Variants in NF1 observed in about 807,000 individuals in gnomAD.
NF1 encodes the protein neurofibromin 1, also known as neurofibromin.
NF1 carries 122 observed loss-of-function variants against 325.7 expected under a neutral mutation model. That is an observed-to-expected ratio of 0.37 (90% CI 0.32 to 0.44). The LOEUF is 0.44. Among genes scored for constraint, NF1 ranks in the 20% least tolerant of loss-of-function variants. The pLI is 1.00. For synonymous variants in NF1, 1,091 were observed against 1,186.0 expected (o/e 0.92, Z 1.65); for missense variants, 2,140 against 3,415.4 (o/e 0.63, Z 9.31).
rs1256512888 is a variant in NF1, at chr17:31,356,950, C to G, written c.7739-10C>G. On this transcript the variant is annotated splice_polypyrimidine_tract_variant and intron_variant, in intron 52 of 57. Coordinates refer to ENST00000358273, the MANE Select transcript of NF1 (RefSeq NM_001042492.3). ...GTGTTTGATCACGTTAATTCCCTAT[C>G]TTGCTGCAGAAACTCAGAGGATTTC... 1 of 1,613,744 alleles carries G rather than the reference C, an allele frequency of 6.2e-7. No homozygotes were observed. Among genetic ancestry groups the G allele is most frequent in the South Asian group, 1.1e-5 (1 of 91,080 alleles).
In NF1 at chr17:31,201,413, C is replaced by A. The variant is rs775109720; in HGVS notation, c.1188C>A (p.Ile396=). 1 of 1,606,968 alleles carries A rather than the reference C, an allele frequency of 6.2e-7. No homozygotes were observed. The highest frequency in any genetic ancestry group is 1.1e-5 in the South Asian group (1 of 90,518). Reference sequence around the variant, plus strand: ...CTTTTTTTTTTCTTTTTCTATAGATCTGCCTGGCTCAGAATTCACCTTCTA... The same window carrying A: ...CTTTTTTTTTTCTTTTTCTATAGATATGCCTGGCTCAGAATTCACCTTCTA... The part of the protein sequence containing the change: ...ISPHNNQHFK[I]CLAQNSPSTF... Residue 396 remains isoleucine, a splice_region_variant and synonymous_variant, in exon 11 of 58, where the codon ATC becomes ATA. Transcript: ENST00000358273.
chr17:31,191,982 G>T (rs1396741383), intron 8 of NF1, among the ~76,000 whole-genome samples: 1 of 152,060 alleles, frequency 6.6e-6, no homozygotes. Context: ...TGAATTCGCG[G>T]AACTTTTTGT....
Position 31,117,290 on chromosome 17 carries a change from G to A in NF1, c.60+21921G>A, listed in dbSNP as rs115102532. On this transcript the variant is annotated intron_variant, in intron 1 of 57. Coordinates refer to ENST00000358273, the MANE Select transcript of NF1 (RefSeq NM_001042492.3). The stretch of plus-strand genomic sequence containing the variant: ...GCTACCGTGCCTGACCTCCAAAACC[G>A]TTTTTATTAATTATATTCTTTATTA... Among the ~76,000 whole-genome samples the A allele has an allele frequency of 9.5e-3, 1,447 of 151,982 alleles. 23 individuals are homozygous for A. Among genetic ancestry groups the A allele is most frequent in the African/African-American group, 0.033 (1,358 of 41,480 alleles).
chr17:31,181,754 A>C lies in NF1; in HGVS notation c.699A>C (p.Lys233Asn), dbSNP rs1597658628. 1 of 1,610,242 alleles carries C rather than the reference A, an allele frequency of 6.2e-7. No homozygotes were observed. Residue 233 changes from lysine (K) to asparagine (N), a missense_variant, in exon 7 of 58, where the codon AAA (lysine) becomes AAC (asparagine). By Grantham distance (94) the Lys-to-Asn change is moderately conservative. Around this residue, in one of 10 missense-constraint regions of NF1, gnomAD observed 246 missense variants for 347.8 expected, o/e 0.71. Coordinates refer to ENST00000358273, the MANE Select transcript of NF1 (RefSeq NM_001042492.3). Reference protein sequence around the residue: ...WVENYPDEFTKLYQIPQTDMA... With the variant: ...WVENYPDEFTNLYQIPQTDMA... ...AAAATTATCCAGATGAATTTACAAA[A>C]CTGTACCAGATCCCACAGACTGATA...
rs1233391010 is a variant in NF1 at position 31,095,220 on chromosome 17, C to T, written c.-90C>T. ...TCCACAGACCCTCTCCTTGCCTCTT[C>T]CCTCACCTCAGCCTCCGCTCCCCGC... On this transcript the variant is annotated 5_prime_UTR_variant, in exon 1 of 58. Coordinates refer to ENST00000358273, the MANE Select transcript of NF1 (RefSeq NM_001042492.3). 4 of 1,251,620 alleles carry T rather than the reference C, an allele frequency of 3.2e-6. No homozygotes were observed. In the African/African-American group the frequency reaches 4.4e-5, roughly 14 times the overall value. The allele number at this position is 1,251,620 out of a possible 1,614,324, so 77.5% of individuals were successfully genotyped here.
chr17:31,343,029 G>A lies in NF1; in HGVS notation c.7083G>A (p.Met2361Ile), dbSNP rs1293010884. 6.2e-7 allele frequency: 1 copy of A among 1,614,060 alleles called. No homozygotes were observed. The highest frequency in any genetic ancestry group is 8.5e-7 in the Non-Finnish European group (1 of 1,179,998). The stretch of plus-strand genomic sequence containing the variant: ...AATAGAGTCCAGAGGAAGTATTTAT[G>A]GCAATCCGGAATCCTCTGGAGTGGC... ...FNDKSPEEVFMAIRNPLEWHC... is the reference protein window; with the variant it reads ...FNDKSPEEVFIAIRNPLEWHC... Residue 2361 changes from methionine (M) to isoleucine (I), a missense_variant, in exon 48 of 58, where the codon ATG becomes ATA. Coordinates refer to ENST00000358273, the MANE Select transcript of NF1 (RefSeq NM_001042492.3).
chr17:31,248,897 T>C, intron 29 of NF1, 87 bp from the exon 30 acceptor site: 2 of 1,327,808 alleles, frequency 1.5e-6, no homozygotes, highest in Non-Finnish European at 2.1e-6. Flanking sequence ...CTTGGCTTAA[T>C]GTCTGTATAA....
chr17:31,099,541 A>G (rs1390778885), intron 1 of NF1, among the ~76,000 whole-genome samples: 2 of 150,688 alleles, frequency 1.3e-5, no homozygotes, highest in Non-Finnish European at 3.0e-5. Context: ...TGAAACTGAC[A>G]AATTGTAGGT....
Position 31,095,309 on chromosome 17 carries a change from C to G in NF1, c.-1C>G. On this transcript the variant is annotated 5_prime_UTR_variant, in exon 1 of 58. Transcript: ENST00000358273. ...CGCCGCCCCCCGGCCGCGGGGAGGA[C>G]ATGGCCGCGCACAGGCCGGTGGAAT... 2.6e-6 allele frequency: 4 copies of G among 1,537,442 alleles called. No individual in the cohort carries two copies. Among genetic ancestry groups the G allele is most frequent in the Non-Finnish European group, 3.5e-6 (4 of 1,146,038 alleles).
rs79395307 is a variant in NF1, at chr17:31,141,917, C to T, written c.61-14066C>T. Among the ~76,000 whole-genome samples the T allele has an allele frequency of 4.0e-4, 61 of 152,262 alleles. 1 individual carries two copies. The East Asian group carries it at 0.011, about 26-fold the overall frequency. ...TCTAGAGCTGATGTATTGGGTACTT[C>T]CCCTCTAGCATGGTTATTTTCTTTG... On this transcript the variant is annotated intron_variant, in intron 1 of 57. Transcript: ENST00000358273.
chr17:31,236,499 G>A (rs1275089248), intron 29 of NF1, among the ~76,000 whole-genome samples: 1 of 152,242 alleles, frequency 6.6e-6, no homozygotes, highest in East Asian at 1.9e-4. Flanking sequence ...GGGTGCACTG[G>A]CGCAGTCTCG....
At chr17:31,313,722 ATGTGTGTGTGTGTGTGTG>A (rs60267436) in intron 36 of NF1, among the ~76,000 whole-genome samples, 6 of 139,054 alleles carry the variant, frequency 4.3e-5, no homozygotes, top group Middle Eastern at 7.1e-3. Flanking sequence ...AAAAAAAAAT[ATGTGTGTGTGTGTGTGTG>A]TGTGTGTGTG....
chr17:31,187,143 C>G (rs2066254893), intron 8 of NF1, among the ~76,000 whole-genome samples: 1 of 152,210 alleles, frequency 6.6e-6, no homozygotes, highest in Non-Finnish European at 1.5e-5. Flanking sequence ...GACCAAGGCA[C>G]TCACTTTACA....
intron 1 of NF1, among the ~76,000 whole-genome samples, chr17:31,115,671 T>C (rs1913836594): frequency 6.6e-6 from 1 of 152,198 alleles, no homozygotes; most frequent in Non-Finnish European, 1.5e-5. Flanking sequence ...ATTTCCAAGT[T>C]CCATAACCCA....
chr17:31,159,420 A>G (rs2065724108), intron 3 of NF1, among the ~76,000 whole-genome samples: 1 of 152,158 alleles, frequency 6.6e-6, no homozygotes, highest in African/African-American at 2.4e-5. Context: ...GTTGTGGGAG[A>G]GTGCGATTCA....
intron 1 of NF1, among the ~76,000 whole-genome samples, chr17:31,153,866 A>G (rs1362607112): frequency 1.3e-5 from 2 of 150,762 alleles, no homozygotes; most frequent in Non-Finnish European, 3.0e-5. Flanking sequence ...CTCCTGCCTC[A>G]GCCTCTCAAA....
intron 13 of NF1, among the ~76,000 whole-genome samples, chr17:31,218,062 C>G (rs1311086197): frequency 2.0e-5 from 3 of 151,936 alleles, no homozygotes; most frequent in Non-Finnish European, 4.4e-5. Context: ...GATGCAAATT[C>G]TAGCCTTTGC....
At chr17:31,181,345 G>T in intron 5 of NF1, 77 bp from the exon 6 acceptor site, 1 of 1,332,638 alleles carries the variant, frequency 7.5e-7, no homozygotes, top group Non-Finnish European at 1.1e-6. Flanking sequence ...ATACGTAAAT[G>T]GAAAGTTATT....
intron 11 of NF1, among the ~76,000 whole-genome samples, chr17:31,204,521 A>T (rs1372674600): frequency 1.3e-5 from 2 of 152,098 alleles, no homozygotes; most frequent in African/African-American, 2.4e-5. Context: ...TGCCAACCAC[A>T]TGATGTCTAG....
Sources: allele counts gnomAD v4.1 joint callset (sites outside exome capture counted in the v4.1 genomes callset), GRCh38; gene constraint gnomAD v4.1.1; regional missense constraint gnomAD v4.1.1; transcripts MANE v1.5; gene names NCBI Gene and HGNC (gene_info 2026-07-23, HGNC 2026-07-21).